Variants in ADAM11 observed in about 807,000 individuals in gnomAD.
ADAM11 encodes disintegrin and metalloproteinase domain-containing protein 11.
A neutral mutation model predicts 119.1 loss-of-function variants in ADAM11; 49 were observed. The observed-to-expected ratio is 0.41, with a 90% CI of 0.33 to 0.52. ADAM11 has a LOEUF of 0.52. Among genes scored for constraint, ADAM11 ranks in the 20% least tolerant of loss-of-function variants. ADAM11 has a pLI of 0.20. For synonymous variants in ADAM11, 364 were observed against 408.0 expected, an observed-to-expected ratio of 0.89 and a Z score of 1.30; for missense variants, 777 against 1,047.5, an observed-to-expected ratio of 0.74 and a Z score of 3.56.
At position 44,781,516 on chromosome 17, in the gene ADAM11, G is replaced by A. The variant is rs1339032317; in HGVS notation, c.*1762G>A. On this transcript the variant is annotated 3_prime_UTR_variant, in exon 27 of 27. Transcript: ENST00000200557. ...TGGTGCACCCGTGCACACAGGTACA[G>A]TGCATCTGGGCACAGCTTTTGGATC... 6.6e-6 allele frequency: 1 copy of A among 152,278 alleles called. No individual in the cohort carries two copies. The highest frequency in any genetic ancestry group is 1.5e-5 in the Non-Finnish European group (1 of 68,110). The allele number at this position is 152,278 out of a possible 1,614,324, so 9.4% of individuals were successfully genotyped here.
At position 44,767,786 on chromosome 17, in the gene ADAM11, G is replaced by T. The variant is rs1326343185; in HGVS notation, c.238-1932G>T. Among the ~76,000 whole-genome samples, 15 of 152,266 alleles carry T rather than the reference G, an allele frequency of 9.9e-5. 1 individual carries two copies. On this transcript the variant is annotated intron_variant, in intron 2 of 26. Coordinates refer to ENST00000200557, the MANE Select transcript of ADAM11 (RefSeq NM_002390.6). ...GTGGCAGGAGGTGGTGGACAAGGAG[G>T]CTCTTAAGGTATCTGGCCTTCATCC...
chr17:44,776,224 C>G lies in ADAM11; in HGVS notation c.1566+17C>G, dbSNP rs1351806536. 6.2e-7 allele frequency: 1 copy of G among 1,613,100 alleles called. No individual in the cohort carries two copies. Among genetic ancestry groups the G allele is most frequent in the Admixed American group, 1.7e-5 (1 of 59,984 alleles). On this transcript the variant is annotated intron_variant, in intron 18 of 26. Coordinates refer to ENST00000200557, the MANE Select transcript of ADAM11 (RefSeq NM_002390.6). The surrounding 1 kb of genome is among the most constrained non-coding windows in gnomAD (Gnocchi z 5.2). ...TCTAGCCAGGTCCGCCCGGCCCCGC[C>G]GTCTTGTGGAGCCCTGGGCGAGGCA...
intron 25 of ADAM11, 132 bp downstream of exon 25, chr17:44,778,374 C>A: frequency 1.1e-6 from 1 of 909,486 alleles, no homozygotes; most frequent in Non-Finnish European, 1.6e-6. Flanking sequence ...TCCAAGTAGC[C>A]TGCAGGGCTT....
Position 44,772,931 on chromosome 17 carries a change from G to A in ADAM11, c.753G>A (p.Leu251=). Residue 251 remains leucine (L), a splice_region_variant and synonymous_variant, in exon 9 of 27, where the codon CTG becomes CTA. Coordinates refer to ENST00000200557, the MANE Select transcript of ADAM11 (RefSeq NM_002390.6). The surrounding 1 kb of genome is among the most constrained non-coding windows in gnomAD (Gnocchi z 4.5). ...TAATTGTGATCAACGACCACCAGCT[G>A]GTGAGTGCCAGGGCAGGGACAGGGC... ...VELIVINDHQ[L]FEQMRQSVVL... is the part of the protein sequence containing the mutation. The A allele has an allele frequency of 6.2e-7, 1 of 1,614,150 alleles. No homozygotes were observed. Among genetic ancestry groups the A allele is most frequent in the Non-Finnish European group, 8.5e-7 (1 of 1,180,028 alleles).
At chr17:44,761,971 C>G (rs1234352696) in intron 2 of ADAM11, among the ~76,000 whole-genome samples, 1 of 152,120 alleles carries the variant, frequency 6.6e-6, no homozygotes, top group African/African-American at 2.4e-5. Flanking sequence ...TACAGACGTG[C>G]GCCACCATGC....
chr17:44,762,986 A>AG (rs1555551172), intron 2 of ADAM11, among the ~76,000 whole-genome samples: 2 of 151,582 alleles, frequency 1.3e-5, no homozygotes, highest in African/African-American at 4.9e-5. Flanking sequence ...AAAAAAAAAA[A>AG]TTACCCAAGC....
chr17:44,768,339 C>T (rs991620044), intron 2 of ADAM11, among the ~76,000 whole-genome samples: 2 of 152,190 alleles, frequency 1.3e-5, no homozygotes, highest in South Asian at 2.1e-4. Flanking sequence ...TAGGGTGAGT[C>T]GGTGTCCTTG....
chr17:44,769,699 C>CGGGGGGG lies in ADAM11; in HGVS notation c.238-19_238-18insGGGGGGG. 5.1e-6 allele frequency: 8 copies of CGGGGGGG among 1,574,456 alleles called. No individual in the cohort carries two copies. Among genetic ancestry groups the CGGGGGGG allele is most frequent in the Non-Finnish European group, 7.0e-6 (8 of 1,144,998 alleles). ...AGGCCTCCCTGGGTTGACTCCCCCT[C>CGGGGGGG]TGCCCTCCCCCCACCCAGCCTGTCC... On this transcript the variant is annotated intron_variant, in intron 2 of 26. Transcript: ENST00000200557.
At chr17:44,774,452 G>A in intron 12 of ADAM11, 40 bp from the exon 13 acceptor site, 2 of 1,604,440 alleles carry the variant, frequency 1.2e-6, no homozygotes, top group East Asian at 2.3e-5. Flanking sequence ...GTGCCTGTTG[G>A]AAGATGTAGA....
chr17:44,763,563 G>A (rs1439011425), intron 2 of ADAM11, among the ~76,000 whole-genome samples: 1 of 152,212 alleles, frequency 6.6e-6, no homozygotes, highest in Admixed American at 6.5e-5. Flanking sequence ...GGAGCCTGCA[G>A]CCGAGGGGTG....
intron 2 of ADAM11, among the ~76,000 whole-genome samples, chr17:44,761,198 T>C (rs1020169888): frequency 1.3e-5 from 2 of 152,024 alleles, no homozygotes; most frequent in Admixed American, 6.6e-5. Flanking sequence ...GGGGAACTGA[T>C]GGTCTGCCCG....
chr17:44,774,075 G>A (rs1194543096), intron 11 of ADAM11, among the ~76,000 whole-genome samples: 2 of 150,432 alleles, frequency 1.3e-5, no homozygotes, highest in Non-Finnish European at 3.0e-5. Context: ...TGGACCACAA[G>A]AGTGAAACTC....
rs772909895 is a variant in ADAM11 at position 44,775,685 on chromosome 17, G to A, written c.1485+9G>A. 1 of 1,568,794 alleles carries A rather than the reference G, an allele frequency of 6.4e-7. No homozygotes were observed. Among genetic ancestry groups the A allele is most frequent in the Admixed American group, 1.8e-5 (1 of 54,962 alleles). ...GCTGTCGCCGCTGCAAGGTAAGCAG[G>A]ACCGGCCGGGAGGCGGGGCCAGGAC... On this transcript the variant is annotated intron_variant, in intron 17 of 26. Coordinates refer to ENST00000200557, the MANE Select transcript of ADAM11 (RefSeq NM_002390.6). The surrounding 1 kb of genome is among the most constrained non-coding windows in gnomAD (Gnocchi z 7.5).
intron 2 of ADAM11, among the ~76,000 whole-genome samples, chr17:44,765,394 C>T (rs555358107): frequency 1.3e-5 from 2 of 152,238 alleles, no homozygotes; most frequent in African/African-American, 4.8e-5. Context: ...TAAATCACAC[C>T]ATCCACCCAG....
At chr17:44,779,440 C>T (rs1043619138) in intron 26 of ADAM11, 4 of 985,318 alleles carry the variant, frequency 4.1e-6, no homozygotes, top group African/African-American at 1.7e-5. Flanking sequence ...CCCTCGCCCT[C>T]GCCCGCTCAG....
rs1050379441 is a variant in ADAM11, at chr17:44,781,822, G to A, written c.*2068G>A. The A allele has an allele frequency of 1.3e-5, 2 of 152,566 alleles. No individual in the cohort carries two copies. The highest frequency in any genetic ancestry group is 4.8e-5 in the African/African-American group (2 of 41,456). 9.5% of individuals were successfully genotyped at this position (152,566 alleles called of 1,614,324 possible). ...GAGCATCGATTAAAGATCACATCCT[G>A]GGGCTTCCAGGGAGCTCACACCAAC... is the stretch of plus-strand genomic sequence containing the variant. On this transcript the variant is annotated 3_prime_UTR_variant, in exon 27 of 27. Coordinates refer to ENST00000200557, the MANE Select transcript of ADAM11 (RefSeq NM_002390.6).
rs2049628404 is a variant in ADAM11, at chr17:44,777,985, C to G, written c.2104C>G (p.Pro702Ala). Residue 702 changes from proline to alanine, a missense_variant, in exon 24 of 27, where the codon CCA (proline) becomes GCA (alanine). Pro to Ala is a conservative substitution (Grantham distance 27). Coordinates refer to ENST00000200557, the MANE Select transcript of ADAM11 (RefSeq NM_002390.6). This position sits in a 1 kb window ranked among gnomAD's most constrained non-coding sequence, Gnocchi z 5.1. ...CAATGAAGGGAAGTGCATCTGTCAGCCAGACTGGACAGGCAAAGACTGCAG... is the reference window on the plus strand; with the variant it reads ...CAATGAAGGGAAGTGCATCTGTCAGGCAGACTGGACAGGCAAAGACTGCAG... ...CSNEGKCICQ[P>A]DWTGKDCSIH... is the part of the protein sequence containing the mutation. 4.3e-6 allele frequency: 7 copies of G among 1,614,058 alleles called. No homozygotes were observed. The highest frequency in any genetic ancestry group is 5.9e-6 in the Non-Finnish European group (7 of 1,179,990).
At position 44,776,279 on chromosome 17, in the gene ADAM11, G is replaced by C; in HGVS notation, c.1566+72G>C. The C allele has an allele frequency of 8.4e-6, 13 of 1,547,522 alleles. No homozygotes were observed. The highest frequency in any genetic ancestry group is 1.2e-5 in the Non-Finnish European group (13 of 1,125,022). On this transcript the variant is annotated intron_variant, in intron 18 of 26. Transcript: ENST00000200557. This position sits in a 1 kb window ranked among gnomAD's most constrained non-coding sequence, Gnocchi z 5.2. ...CTACCCTTGTCGATTTGGTTTTCCCGGACGAGTGCTCAGCACTCCCCTCCT... is the reference window on the plus strand; with the variant it reads ...CTACCCTTGTCGATTTGGTTTTCCCCGACGAGTGCTCAGCACTCCCCTCCT...
In ADAM11 at chr17:44,776,739, C is replaced by T. The variant is rs1434018232; in HGVS notation, c.1567-6C>T. 1 of 1,613,976 alleles carries T rather than the reference C, an allele frequency of 6.2e-7. No homozygotes were observed. Among genetic ancestry groups the T allele is most frequent in the African/African-American group, 1.3e-5 (1 of 74,910 alleles). On this transcript the variant is annotated splice_region_variant and splice_polypyrimidine_tract_variant and intron_variant, in intron 18 of 26. Coordinates refer to ENST00000200557, the MANE Select transcript of ADAM11 (RefSeq NM_002390.6). The surrounding 1 kb of genome is among the most constrained non-coding windows in gnomAD (Gnocchi z 5.2). ...GCTCCGCTCAACCCCACCCCTCTCT[C>T]CACAGTGCCCGCCTAACCTGCACAA...
Sources: gnomAD v4.1 joint callset for allele counts (sites outside exome capture counted in the v4.1 genomes callset) on GRCh38, gnomAD v4.1.1 for gene constraint, Gnocchi (gnomAD v3.1) non-coding constraint, MANE v1.5 for transcripts, NCBI Gene and HGNC (gene_info 2026-07-23, HGNC 2026-07-21) for gene names.